Variants in PKLR observed in about 807,000 individuals in gnomAD.
PKLR encodes the protein pyruvate kinase PKLR.
In PKLR, 38 loss-of-function variants were observed where a neutral mutation model predicts 53.6. The observed-to-expected ratio is 0.71, with a 90% confidence interval of 0.55 to 0.93. The LOEUF (loss-of-function observed/expected upper bound fraction) is 0.93, where lower values mean the gene tolerates loss of function less well. PKLR is among the 40% of genes least tolerant of loss of function. PKLR has a pLI of 0.00. For synonymous variants in PKLR, 328 were observed against 316.2 expected (o/e 1.04, Z -0.39); for missense variants, 702 against 787.3 (o/e 0.89, Z 1.30).
the PKLR span, among the ~76,000 whole-genome samples, chr1:155,307,298 A>G: frequency 3.9e-5 from 6 of 152,192 alleles, no homozygotes; most frequent in South Asian, 2.1e-4. Context: ...GGAATCATAC[A>G]GTATCTGTCC....
intron 10 of PKLR, among the ~76,000 whole-genome samples, chr1:155,290,968 A>G (rs1674507600): frequency 6.7e-6 from 1 of 150,010 alleles, no homozygotes; most frequent in Non-Finnish European, 1.5e-5. Flanking sequence ...CAGCCTGGGG[A>G]CAGAGCAAGA....
intron 2 of PKLR, among the ~76,000 whole-genome samples, chr1:155,297,727 A>G (rs1160531155): frequency 1.3e-5 from 2 of 152,018 alleles, no homozygotes; most frequent in Non-Finnish European, 1.5e-5. Flanking sequence ...AATGGCCTAC[A>G]AAGCTGCACC....
chr1:155,304,153 C>T (rs930500925), upstream of PKLR, among the ~76,000 whole-genome samples: 1 of 152,096 alleles, frequency 6.6e-6, no homozygotes, highest in Non-Finnish European at 1.5e-5. Flanking sequence ...TAGATGGTAG[C>T]CGGGAGCGGT....
Position 155,295,124 on chromosome 1 carries a change from T to C in PKLR, c.686A>G (p.Gln229Arg), listed in dbSNP as rs763237413. Residue 229 changes from glutamine (Q) to arginine (R), a missense_variant, in exon 5 of 11, where the codon CAG becomes CGG. Transcript: ENST00000342741. The surrounding 1 kb of genome is among the most constrained non-coding windows in gnomAD (Gnocchi z 4.3). ...GGGAGGCGCGTCCGCACCGATTTTC[T>C]GGACCACTAGGGAGATGAGCCCGTC... ...IDDGLISLVVQKIGPEGLVTQ... is the reference protein window; with the variant it reads ...IDDGLISLVVRKIGPEGLVTQ... 1.9e-6 allele frequency: 3 copies of C among 1,614,064 alleles called. No homozygotes were observed. The highest frequency in any genetic ancestry group is 2.5e-6 in the Non-Finnish European group (3 of 1,179,976).
chr1:155,292,498 G>A lies in PKLR; in HGVS notation c.1437-561C>T, dbSNP rs8177986. Among the ~76,000 whole-genome samples, 14 of 152,190 alleles carry A rather than the reference G, an allele frequency of 9.2e-5. 1 individual carries two copies. In the East Asian group the frequency reaches 2.5e-3, roughly 27 times the overall value. On this transcript the variant is annotated intron_variant, in intron 9 of 10. Transcript: ENST00000342741. ...TAAAAATACAAAAAATATGCAGGGC[G>A]TTGTGGCATGCGCCTGTAATCCCAG... is the stretch of plus-strand genomic sequence containing the variant.
At chr1:155,299,440 T>A (rs1647853111) in intron 2 of PKLR, among the ~76,000 whole-genome samples, 1 of 149,758 alleles carries the variant, frequency 6.7e-6, no homozygotes, top group South Asian at 2.1e-4. Flanking sequence ...CTGCCAACCT[T>A]GGCCTCCTAA....
upstream of PKLR, among the ~76,000 whole-genome samples, chr1:155,305,918 T>G (rs1489637234): frequency 1.3e-5 from 2 of 151,988 alleles, no homozygotes; most frequent in Admixed American, 6.6e-5. Context: ...GTACTGGAAT[T>G]ACAGGCATGA....
chr1:155,301,518 C>A, upstream of PKLR: 1 of 1,289,448 alleles, frequency 7.8e-7, no homozygotes. Flanking sequence ...GCCACCCTGT[C>A]CCCACAGAAT....
At chr1:155,299,464 C>T (rs1201827898) in intron 2 of PKLR, among the ~76,000 whole-genome samples, 3 of 141,478 alleles carry the variant, frequency 2.1e-5, no homozygotes, top group East Asian at 4.2e-4. Context: ...GCTGGGATTA[C>T]AGGCATGAGC....
chr1:155,292,121 G>A (rs1227604777), intron 9 of PKLR, among the ~76,000 whole-genome samples, 184 bp from the exon 10 acceptor site: 6 of 151,944 alleles, frequency 3.9e-5, no homozygotes, highest in Non-Finnish European at 8.8e-5. Flanking sequence ...CTCCCAGGCC[G>A]GGAGCGGTGG....
upstream of PKLR, among the ~76,000 whole-genome samples, chr1:155,304,403 C>T (rs1648173886): frequency 6.9e-6 from 1 of 144,350 alleles, no homozygotes; most frequent in Non-Finnish European, 1.5e-5. Flanking sequence ...CATTGCACAC[C>T]AGCCTGGGCA....
chr1:155,299,208 T>A (rs1489200049), intron 2 of PKLR, among the ~76,000 whole-genome samples: 1 of 149,636 alleles, frequency 6.7e-6, no homozygotes, highest in Non-Finnish European at 1.5e-5. Context: ...TTTCTCTCTT[T>A]CTCTCTAGGG....
At chr1:155,291,007 TAATAATAATAATA>T (rs1171765583) in intron 10 of PKLR, among the ~76,000 whole-genome samples, 2 of 133,418 alleles carry the variant, frequency 1.5e-5, no homozygotes, top group Non-Finnish European at 3.1e-5. Flanking sequence ...ATAATAATAA[TAATAATAATAATA>T]ATAATAATAA....
rs1423298389 is a variant in PKLR at position 155,289,859 on chromosome 1, T to C, written c.*713A>G. 6.6e-6 allele frequency: 1 copy of C among 152,306 alleles called. No individual in the cohort carries two copies. Among genetic ancestry groups the C allele is most frequent in the Admixed American group, 6.6e-5 (1 of 15,252 alleles). The allele number at this position is 152,306 out of a possible 1,614,324, so 9.4% of individuals were successfully genotyped here. ...AAATAGACACACTCATTTTTGGCTC[T>C]TGGTTTGTGTGTGGGAACAACATGA... is the stretch of plus-strand genomic sequence containing the variant. On this transcript the variant is annotated 3_prime_UTR_variant, in exon 11 of 11. Transcript: ENST00000342741.
chr1:155,296,347 T>C (rs1647598194), intron 2 of PKLR, among the ~76,000 whole-genome samples: 1 of 151,454 alleles, frequency 6.6e-6, no homozygotes, highest in Non-Finnish European at 1.5e-5. Context: ...TTTTTCTTTC[T>C]TTTTTTTTGA....
At chr1:155,294,836 G>A (rs563520182) in intron 5 of PKLR, 84 bp from the exon 6 acceptor site, 14 of 1,520,080 alleles carry the variant, frequency 9.2e-6, no homozygotes, top group Middle Eastern at 2.3e-4. Context: ...GCTTGGACCC[G>A]CAAGAGGTCA....
At chr1:155,298,998 C>CTT (rs1182013938) in intron 2 of PKLR, among the ~76,000 whole-genome samples, 2 of 98,738 alleles carry the variant, frequency 2.0e-5, no homozygotes, top group African/African-American at 5.6e-5. Flanking sequence ...TTCTTTCTTT[C>CTT]TTTCTTTCTT....
rs769174570 is a variant in PKLR at position 155,301,358 on chromosome 1, C to T, written c.38G>A (p.Arg13Gln). ...TCTTTGGGACTTAGAGACCCATGAC[C>T]GAAGCTGCAGGGATGATATGTTCTC... ...IQENISSLQL[R>Q]SWVSKSQRDL... Residue 13 changes from arginine to glutamine, a missense_variant, in exon 1 of 11, where the codon CGG becomes CAG. Arg to Gln is a conservative substitution (Grantham distance 43, BLOSUM62 1). Transcript: ENST00000342741. The T allele has an allele frequency of 2.0e-5, 32 of 1,613,856 alleles. No individual in the cohort carries two copies. The highest frequency in any genetic ancestry group is 2.7e-5 in the African/African-American group (2 of 74,890).
At chr1:155,291,226 G>C (rs187072667) in intron 10 of PKLR, among the ~76,000 whole-genome samples, 4 of 151,954 alleles carry the variant, frequency 2.6e-5, no homozygotes, top group African/African-American at 9.7e-5. Context: ...ATGCCAGCAC[G>C]GTGGCTGACG....
Sources: gnomAD v4.1 joint callset for allele counts (sites outside exome capture counted in the v4.1 genomes callset) on GRCh38, gnomAD v4.1.1 for gene constraint, Gnocchi (gnomAD v3.1) non-coding constraint, MANE v1.5 for transcripts, NCBI Gene and HGNC (gene_info 2026-07-23, HGNC 2026-07-21) for gene names.